Variants in CACNA1E observed in about 807,000 individuals in gnomAD.
CACNA1E encodes voltage-dependent R-type calcium channel subunit alpha-1E.
Under a neutral mutation model 259.2 loss-of-function variants are expected in CACNA1E, and 40 were observed. The ratio of observed to expected loss-of-function variants is 0.15; its 90% CI spans 0.12 to 0.20. The LOEUF (loss-of-function observed/expected upper bound fraction) is 0.20, where lower values mean the gene tolerates loss of function less well. Among genes scored for constraint, CACNA1E ranks in the 10% least tolerant of loss-of-function variants. The pLI is 1.00. For synonymous variants in CACNA1E, 1,104 were observed against 1,138.5 expected (o/e 0.97, Z 0.61); for missense variants, 1,874 against 3,040.1 (o/e 0.62, Z 9.02).
intron 8 of CACNA1E, among the ~76,000 whole-genome samples, chr1:181,714,813 CCCCCTCCTGTCT>C (rs1300550920): frequency 6.6e-6 from 1 of 152,142 alleles, no homozygotes; most frequent in African/African-American, 2.4e-5. Flanking sequence ...ACCCACAAGC[CCCCCTCCTGTCT>C]CCAAGGACCT....
rs1381136560 is a variant in CACNA1E, at chr1:181,800,895, T to G, written c.*2061T>G. On this transcript the variant is annotated 3_prime_UTR_variant, in exon 48 of 48. Coordinates refer to ENST00000367573, the MANE Select transcript of CACNA1E (RefSeq NM_001205293.3). Reference sequence around the variant, plus strand: ...AAGTTGTCCCAACAGAGGAGGCCAGTGAGGCAGAGACAGAGCTCTCCCACT... The same window carrying G: ...AAGTTGTCCCAACAGAGGAGGCCAGGGAGGCAGAGACAGAGCTCTCCCACT... 1.3e-5 allele frequency: 2 copies of G among 152,668 alleles called. No homozygotes were observed. The highest frequency in any genetic ancestry group is 2.9e-5 in the Non-Finnish European group (2 of 68,066). The allele number at this position is 152,668 out of a possible 1,614,324, so 9.5% of individuals were successfully genotyped here.
chr1:181,766,499 G>A (rs1558364889), intron 34 of CACNA1E, 47 bp from the exon 35 acceptor site: 1 of 1,428,368 alleles, frequency 7.0e-7, no homozygotes, highest in Admixed American at 1.7e-5. Context: ...GTTGAGCTTG[G>A]GTGCTGCTTT....
intron 1 of CACNA1E, among the ~76,000 whole-genome samples, chr1:181,362,005 A>G (rs1458467578): frequency 2.6e-5 from 4 of 152,220 alleles, no homozygotes; most frequent in African/African-American, 4.8e-5. Context: ...TGCAGTCTTG[A>G]GCTAGTCATT....
chr1:181,666,913 G>A (rs1228760945), intron 7 of CACNA1E, among the ~76,000 whole-genome samples: 2 of 152,010 alleles, frequency 1.3e-5, no homozygotes, highest in Non-Finnish European at 2.9e-5. Context: ...ATAAATTGCA[G>A]GTGGAGCTAG....
chr1:181,550,406 A>G (rs1236578504), intron 3 of CACNA1E, among the ~76,000 whole-genome samples: 1 of 152,144 alleles, frequency 6.6e-6, no homozygotes, highest in East Asian at 1.9e-4. Flanking sequence ...TCATCACTGC[A>G]TGGTTGGTAG....
intron 1 of CACNA1E, among the ~76,000 whole-genome samples, chr1:181,400,722 A>G (rs1030705867): frequency 6.6e-5 from 10 of 152,044 alleles, no homozygotes; most frequent in Non-Finnish European, 1.2e-4. Context: ...AGTGGCCATC[A>G]CGGGCTCTCT....
chr1:181,495,282 C>T (rs992435366), intron 1 of CACNA1E, among the ~76,000 whole-genome samples: 3 of 151,282 alleles, frequency 2.0e-5, no homozygotes, highest in African/African-American at 4.9e-5. Flanking sequence ...ATTAGGGGGT[C>T]GTTGTTAAAA....
At chr1:181,782,717 G>A (rs115154658) in intron 39 of CACNA1E, among the ~76,000 whole-genome samples, 9 of 152,224 alleles carry the variant, frequency 5.9e-5, no homozygotes, top group Middle Eastern at 6.8e-3. Flanking sequence ...ACTGGAACAT[G>A]GCCATTAGGG....
intron 2 of CACNA1E, among the ~76,000 whole-genome samples, chr1:181,454,537 A>G (rs541681365): frequency 6.6e-6 from 1 of 152,288 alleles, no homozygotes; most frequent in African/African-American, 2.4e-5. Context: ...CATAGTTGCT[A>G]CCCAAGTAGG....
chr1:181,549,771 C>G (rs1433440133), intron 3 of CACNA1E, among the ~76,000 whole-genome samples: 1 of 152,124 alleles, frequency 6.6e-6, no homozygotes, highest in Non-Finnish European at 1.5e-5. Flanking sequence ...GGCATGGAGA[C>G]CAGAGCAAGC....
Position 181,796,688 on chromosome 1 carries a change from C to T in CACNA1E, c.6229C>T (p.Arg2077Cys), listed in dbSNP as rs370905391. 6.2e-5 allele frequency: 100 copies of T among 1,602,366 alleles called. 1 individual carries two copies. Among genetic ancestry groups the T allele is most frequent in the Middle Eastern group, 3.3e-4 (2 of 6,002 alleles). The part of the protein sequence containing the change: ...SDSGHKSDTH[R>C]SGGRERGRSK... Reference sequence around the variant, plus strand: ...CACAGGCCACAAGTCTGACACTCACCGCTCAGGGGGCAGGGAGCGGGGACG... The same window carrying T: ...CACAGGCCACAAGTCTGACACTCACTGCTCAGGGGGCAGGGAGCGGGGACG... Residue 2077 changes from arginine (R) to cysteine (C), a missense_variant, in exon 47 of 48, where the codon CGC (arginine) becomes TGC (cysteine). Around this residue, in one of 14 missense-constraint regions of CACNA1E, gnomAD observed 542 missense variants for 587.2 expected, o/e 0.92. Coordinates refer to ENST00000367573, the MANE Select transcript of CACNA1E (RefSeq NM_001205293.3).
Position 181,733,515 on chromosome 1 carries a change from C to T in CACNA1E, c.3027C>T (p.Pro1009=), listed in dbSNP as rs759390926. The change falls in exon 21 of 48, where the codon CCC becomes CCT. Residue 1009 remains proline, a synonymous_variant. Transcript: ENST00000367573. ...LDEADTPLVL[P]HPELEVGKHV... ...AGGCTGACACCCCCCTAGTCCTGCC[C>T]CATCCTGAGCTGGAAGTGGGGAAGC... 1.9e-6 allele frequency: 3 copies of T among 1,608,878 alleles called. No individual in the cohort carries two copies. The highest frequency in any genetic ancestry group is 2.5e-6 in the Non-Finnish European group (3 of 1,177,044).
At chr1:181,438,873 G>A (rs888164289) in intron 2 of CACNA1E, among the ~76,000 whole-genome samples, 2 of 151,672 alleles carry the variant, frequency 1.3e-5, no homozygotes, top group Non-Finnish European at 2.9e-5. Flanking sequence ...TTTCATTGTA[G>A]TATTTTACTT....
At position 181,483,817 on chromosome 1, in the gene CACNA1E, C is replaced by T; in HGVS notation, c.73C>T (p.Arg25Trp). ...TGGAGACTCGGACCAGAGCAGGAAC[C>T]GGCAAGGAACCCCCGTGCCGGCCTC... ...GDGDSDQSRN[R>W]QGTPVPASGQ... The change falls in exon 1 of 48, where the codon CGG becomes TGG. Residue 25 changes from arginine (R) to tryptophan (W), a missense_variant. Physicochemically the swap from Arg to Trp is moderately radical, Grantham distance 101. Around this residue, in one of 14 missense-constraint regions of CACNA1E, gnomAD observed 110 missense variants for 122.8 expected, o/e 0.90. Transcript: ENST00000367573. The T allele has an allele frequency of 2.5e-6, 4 of 1,613,554 alleles. No homozygotes were observed. Among genetic ancestry groups the T allele is most frequent in the Non-Finnish European group, 3.4e-6 (4 of 1,179,756 alleles).
At chr1:181,492,859 T>C (rs1664436365) in intron 1 of CACNA1E, among the ~76,000 whole-genome samples, 1 of 152,220 alleles carries the variant, frequency 6.6e-6, no homozygotes, top group Non-Finnish European at 1.5e-5. Flanking sequence ...AGCTCTAAAA[T>C]GATTCTGTTG....
At chr1:181,324,221 G>C (rs1650593921) in intron 1 of CACNA1E, among the ~76,000 whole-genome samples, 1 of 152,146 alleles carries the variant, frequency 6.6e-6, no homozygotes, top group Non-Finnish European at 1.5e-5. Context: ...TATATTGTAG[G>C]AAGAGAGAAA....
chr1:181,569,290 G>T (rs1432366616), intron 3 of CACNA1E, among the ~76,000 whole-genome samples: 2 of 152,228 alleles, frequency 1.3e-5, no homozygotes, highest in African/African-American at 4.8e-5. Context: ...TGGGCTCTGG[G>T]ATGGAGCTAA....
At chr1:181,575,147 T>C (rs1650842697) in intron 3 of CACNA1E, among the ~76,000 whole-genome samples, 2 of 152,232 alleles carry the variant, frequency 1.3e-5, no homozygotes, top group Non-Finnish European at 2.9e-5. Flanking sequence ...CAGTGGCCAA[T>C]GTGCATCAAT....
At chr1:181,617,786 C>T (rs539383495) in intron 6 of CACNA1E, among the ~76,000 whole-genome samples, 4 of 152,280 alleles carry the variant, frequency 2.6e-5, no homozygotes, top group South Asian at 2.1e-4. Context: ...TTTTAAGGGG[C>T]GCAAAGTTAT....
Sources: gnomAD v4.1 joint callset for allele counts (sites outside exome capture counted in the v4.1 genomes callset) on GRCh38, gnomAD v4.1.1 for gene constraint, gnomAD v4.1.1 regional missense constraint, MANE v1.5 for transcripts, NCBI Gene and HGNC (gene_info 2026-07-23, HGNC 2026-07-21) for gene names.